PRTG: variants seen among roughly 807,000 people sequenced by gnomAD.
PRTG encodes the protein protogenin, also known as immunoglobulin superfamily, DCC subclass, member 5.
PRTG carries 67 observed loss-of-function variants against 122.5 expected under a neutral mutation model. The ratio of observed to expected loss-of-function variants is 0.55; its 90% CI spans 0.45 to 0.67. The LOEUF (loss-of-function observed/expected upper bound fraction) is 0.67. Among genes scored for constraint, PRTG ranks in the 30% least tolerant of loss-of-function variants. The probability of loss-of-function intolerance (pLI) is 0.00; values close to 1 mark genes in which losing one functional copy is unlikely to be tolerated. For synonymous variants in PRTG, 554 were observed against 501.1 expected (o/e 1.11, Z -1.41); for missense variants, 1,435 against 1,415.4 (o/e 1.01, Z -0.22).
intron 2 of PRTG, among the ~76,000 whole-genome samples, chr15:55,701,591 T>C (rs1275716522): frequency 6.6e-6 from 1 of 152,084 alleles, no homozygotes; most frequent in African/African-American, 2.4e-5. Context: ...ATTTACTCAA[T>C]AGAAATAAAA....
At chr15:55,666,658 T>C (rs1049693531) in intron 11 of PRTG, among the ~76,000 whole-genome samples, 1 of 152,196 alleles carries the variant, frequency 6.6e-6, no homozygotes, top group Non-Finnish European at 1.5e-5. Flanking sequence ...GTAAATTACT[T>C]GAAAAAATAT....
intron 11 of PRTG, among the ~76,000 whole-genome samples, chr15:55,646,053 C>A (rs1285334667): frequency 6.6e-6 from 1 of 152,036 alleles, no homozygotes; most frequent in African/African-American, 2.4e-5. Context: ...TGTTGCCAGG[C>A]TGCAGTGCAG....
In PRTG at chr15:55,614,166, C is replaced by CAA. The variant is rs2059132399; in HGVS notation, c.*5844_*5845dup. 5.3e-5 allele frequency: 8 copies of CAA among 152,046 alleles called. No homozygotes were observed. In the South Asian group the frequency reaches 1.7e-3, roughly 32 times the overall value. 9.4% of individuals were successfully genotyped at this position (152,046 alleles called of 1,614,324 possible). ...GAATTAGACATTATGTTTTAAAGTT[C>CAA]AAAGAGGGCCAGACTTGCGATGATC... On this transcript the variant is annotated 3_prime_UTR_variant, in exon 20 of 20. Coordinates refer to ENST00000389286, the MANE Select transcript of PRTG (RefSeq NM_173814.6).
intron 4 of PRTG, 65 bp downstream of exon 4, chr15:55,682,296 AGAG>A (rs2059543142): frequency 7.9e-7 from 1 of 1,273,086 alleles, no homozygotes. Context: ...TTATTACAGC[AGAG>A]GAGAAGAAGT....
intron 2 of PRTG, chr15:55,738,459 T>C (rs1181643563): frequency 2.1e-5 from 15 of 701,064 alleles, no homozygotes; most frequent in Non-Finnish European, 3.9e-5. Context: ...CTTCATCTTC[T>C]CATGGCCTAT....
intron 2 of PRTG, among the ~76,000 whole-genome samples, chr15:55,733,249 G>A (rs1180157002): frequency 3.9e-5 from 6 of 152,048 alleles, no homozygotes; most frequent in Non-Finnish European, 8.8e-5. Flanking sequence ...GCTCACACCT[G>A]TAATCCCAGC....
intron 2 of PRTG, 125 bp from the exon 3 acceptor site, chr15:55,684,056 C>G: frequency 3.1e-6 from 2 of 650,408 alleles, no homozygotes; most frequent in Non-Finnish European, 4.8e-6. Flanking sequence ...CCTAACTTAA[C>G]CAGCATGAAG....
intron 11 of PRTG, among the ~76,000 whole-genome samples, chr15:55,653,927 G>T (rs779868335): frequency 6.6e-6 from 1 of 152,112 alleles, no homozygotes; most frequent in Non-Finnish European, 1.5e-5. Context: ...AGGCTTTTAA[G>T]AATTCTTTTA....
intron 2 of PRTG, among the ~76,000 whole-genome samples, chr15:55,737,524 C>T (rs1197137603): frequency 6.6e-6 from 1 of 152,178 alleles, no homozygotes; most frequent in Non-Finnish European, 1.5e-5. Flanking sequence ...ATTTGAATTT[C>T]TGCATTCCTC....
intron 2 of PRTG, among the ~76,000 whole-genome samples, chr15:55,697,431 C>T (rs1325254641): frequency 7.2e-5 from 11 of 152,178 alleles, no homozygotes; most frequent in Non-Finnish European, 1.5e-4. Flanking sequence ...AAAACTTTGC[C>T]TCTTATCTCC....
intron 11 of PRTG, chr15:55,655,768 C>T (rs1447288026): frequency 6.6e-6 from 1 of 152,178 alleles, no homozygotes; most frequent in Non-Finnish European, 1.5e-5. Flanking sequence ...TTTTAAATAT[C>T]CCCACATTCC....
intron 2 of PRTG, among the ~76,000 whole-genome samples, chr15:55,716,692 A>G (rs1337204790): frequency 1.3e-5 from 2 of 152,222 alleles, no homozygotes; most frequent in African/African-American, 4.8e-5. Flanking sequence ...CATACATTTT[A>G]AAGATGACAA....
intron 2 of PRTG, among the ~76,000 whole-genome samples, chr15:55,734,014 A>C (rs535428081): frequency 1.3e-5 from 2 of 152,342 alleles, no homozygotes; most frequent in South Asian, 4.1e-4. Flanking sequence ...ATTCTCAATC[A>C]GGAGTTATTT....
In PRTG at chr15:55,669,715, C is replaced by A. The variant is rs182917450; in HGVS notation, c.2041+2730G>T. ...CACAATACTTGAATCCACACAACTG[C>A]ATCTCTGCTAGTCAGTCATTCCAGC... On this transcript the variant is annotated intron_variant, in intron 11 of 19. Coordinates refer to ENST00000389286, the MANE Select transcript of PRTG (RefSeq NM_173814.6). 2.6e-5 allele frequency among the ~76,000 whole-genome samples: 4 copies of A among 152,332 alleles called. No homozygotes were observed. In the East Asian group the frequency reaches 7.7e-4, roughly 29 times the overall value.
chr15:55,621,605 C>T (rs111509740), intron 18 of PRTG, among the ~76,000 whole-genome samples: 11,300 of 152,086 alleles, frequency 0.074, 518 homozygotes, highest in Non-Finnish European at 0.11. Context: ...CGCGCCACTG[C>T]ACTCCAGCCT....
intron 2 of PRTG, among the ~76,000 whole-genome samples, chr15:55,736,421 T>C (rs1194016563): frequency 6.6e-6 from 1 of 152,086 alleles, no homozygotes; most frequent in Non-Finnish European, 1.5e-5. Context: ...GTTTTTAATA[T>C]ATTTTTAACT....
In PRTG at chr15:55,641,124, G is replaced by A. The variant is rs763366782; in HGVS notation, c.2126C>T (p.Pro709Leu). ...TGGCTTTCACTTACACACGCATCCTGGAGTGCTGACAGTCTGATCTGCCTG... is the reference window on the plus strand; with the variant it reads ...TGGCTTTCACTTACACACGCATCCTAGAGTGCTGACAGTCTGATCTGCCTG... ...GYQADQTVSTPGCVSVRDRMV... is the reference protein window; with the variant it reads ...GYQADQTVSTLGCVSVRDRMV... Residue 709 changes from proline to leucine, a missense_variant, in exon 12 of 20, where the codon CCA (proline) becomes CTA (leucine). Transcript: ENST00000389286. 6 of 1,612,198 alleles carry A rather than the reference G, an allele frequency of 3.7e-6. No individual in the cohort carries two copies. In the East Asian group the frequency reaches 6.7e-5, roughly 18 times the overall value.
chr15:55,651,808 A>G (rs2059354523), intron 11 of PRTG, among the ~76,000 whole-genome samples: 1 of 152,178 alleles, frequency 6.6e-6, no homozygotes. Context: ...AGAAAACCTG[A>G]GGTCAAGAAC....
At chr15:55,669,204 G>T (rs1421748893) in intron 11 of PRTG, among the ~76,000 whole-genome samples, 3 of 151,954 alleles carry the variant, frequency 2.0e-5, no homozygotes, top group Admixed American at 2.0e-4. Flanking sequence ...TCAGAAAGGG[G>T]ATTAGTATGA....
Sources: allele counts gnomAD v4.1 joint callset (sites outside exome capture counted in the v4.1 genomes callset), GRCh38; gene constraint gnomAD v4.1.1; transcripts MANE v1.5; gene names NCBI Gene and HGNC (gene_info 2026-07-23, HGNC 2026-07-21).